Variants in PTPRN2 observed in about 807,000 individuals in gnomAD.
PTPRN2 encodes protein tyrosine phosphatase receptor type N2.
Under a neutral mutation model 118.8 loss-of-function variants are expected in PTPRN2, and 74 were observed. That is an observed-to-expected ratio of 0.62 (90% CI 0.52 to 0.76). The LOEUF is 0.76. Ranked by LOEUF, PTPRN2 falls within the 30% of genes least tolerant of loss-of-function variation. PTPRN2 has a pLI of 0.00. For synonymous variants in PTPRN2, 641 were observed against 608.0 expected (o/e 1.05, Z -0.80); for missense variants, 1,481 against 1,394.4 (o/e 1.06, Z -0.99).
chr7:158,436,573 C>T (rs952596805), intron 2 of PTPRN2, among the ~76,000 whole-genome samples: 1 of 149,906 alleles, frequency 6.7e-6, no homozygotes, highest in Admixed American at 6.7e-5. Flanking sequence ...TGGAGTCTCT[C>T]GAGTTCTGTC....
At chr7:157,720,343 T>G (rs1226389458) in intron 12 of PTPRN2, among the ~76,000 whole-genome samples, 1 of 152,226 alleles carries the variant, frequency 6.6e-6, no homozygotes, top group Non-Finnish European at 1.5e-5. Context: ...CATTCCAATG[T>G]CCGACCTCTG....
At chr7:157,967,205 C>T (rs1217842696) in intron 11 of PTPRN2, among the ~76,000 whole-genome samples, 1 of 152,180 alleles carries the variant, frequency 6.6e-6, no homozygotes, top group South Asian at 2.1e-4. Flanking sequence ...CACTTACAGT[C>T]CCAGCTACTT....
At chr7:158,346,926 T>C (rs1244218100) in intron 2 of PTPRN2, among the ~76,000 whole-genome samples, 1 of 152,228 alleles carries the variant, frequency 6.6e-6, no homozygotes, top group Non-Finnish European at 1.5e-5. Context: ...ACTCAGATTC[T>C]TTACCTGTCT....
rs76817419 is a variant in PTPRN2 at position 158,140,854 on chromosome 7, G to A, written c.911-2339C>T. On this transcript the variant is annotated intron_variant, in intron 6 of 22. Coordinates refer to ENST00000389418, the MANE Select transcript of PTPRN2 (RefSeq NM_002847.5). ...AGACTCTGCCCTAAAGAAGGTTCAT[G>A]GGCCCATTTCCGAGCTTTGAAGGAA... is the stretch of plus-strand genomic sequence containing the variant. Among the ~76,000 whole-genome samples the A allele has an allele frequency of 6.0e-3, 916 of 152,334 alleles. 24 individuals are homozygous for A. In the East Asian group the frequency reaches 0.094, roughly 16 times the overall value.
rs1411301628 is a variant in PTPRN2, at chr7:157,903,684, C to T, written c.1724-4947G>A. Among the ~76,000 whole-genome samples the T allele has an allele frequency of 6.7e-6, 1 of 149,392 alleles. No homozygotes were observed. Among genetic ancestry groups the T allele is most frequent in the Non-Finnish European group, 1.5e-5 (1 of 67,624 alleles). ...TATACTAAAAGGTTTTAAGAGAGTA[C>T]AAGGGACAGTTTCATTCTCGAGCTA... On this transcript the variant is annotated intron_variant, in intron 11 of 22. Transcript: ENST00000389418. This position sits in a 1 kb window ranked among gnomAD's most constrained non-coding sequence, Gnocchi z 4.2.
At chr7:158,192,003 G>A (rs545225838) in intron 5 of PTPRN2, among the ~76,000 whole-genome samples, 2 of 152,300 alleles carry the variant, frequency 1.3e-5, no homozygotes, top group South Asian at 2.1e-4. Flanking sequence ...CTCAAAGGGT[G>A]AAGAGCAGCC....
At chr7:157,825,913 G>C (rs1406255384) in intron 12 of PTPRN2, among the ~76,000 whole-genome samples, 1 of 152,214 alleles carries the variant, frequency 6.6e-6, no homozygotes, top group Non-Finnish European at 1.5e-5. Flanking sequence ...GTGGCTTAGG[G>C]GTGCTTGAAA....
intron 12 of PTPRN2, among the ~76,000 whole-genome samples, chr7:157,789,923 G>A (rs1483485852): frequency 6.7e-6 from 1 of 150,250 alleles, no homozygotes; most frequent in African/African-American, 2.4e-5. Flanking sequence ...TGTGTGGTAT[G>A]TTGTGTGTGT....
intron 11 of PTPRN2, among the ~76,000 whole-genome samples, chr7:158,002,212 C>T (rs938152574): frequency 2.0e-5 from 3 of 152,168 alleles, no homozygotes; most frequent in African/African-American, 4.8e-5. Context: ...ACGGCGTGGT[C>T]ATCAGGCGAG....
chr7:158,492,884 A>G (rs1821565867), intron 1 of PTPRN2, among the ~76,000 whole-genome samples: 1 of 152,204 alleles, frequency 6.6e-6, no homozygotes, highest in Admixed American at 6.5e-5. Flanking sequence ...ATGTGGCGGC[A>G]AGTGGCATCC....
intron 11 of PTPRN2, among the ~76,000 whole-genome samples, chr7:158,071,357 G>T (rs1585335853): frequency 8.1e-6 from 1 of 123,600 alleles, no homozygotes. Flanking sequence ...TCGTGGTGGT[G>T]GAGGTGCTCA....
chr7:158,433,290 C>A (rs1052502948), intron 2 of PTPRN2, among the ~76,000 whole-genome samples: 5 of 152,158 alleles, frequency 3.3e-5, no homozygotes, highest in Non-Finnish European at 5.9e-5. Context: ...GGATGCATTT[C>A]TATTGGGTAT....
chr7:158,272,907 GC>G (rs958889025), intron 3 of PTPRN2, among the ~76,000 whole-genome samples: 1 of 152,158 alleles, frequency 6.6e-6, no homozygotes, highest in African/African-American at 2.4e-5. Flanking sequence ...TGGCTGTGTT[GC>G]CCCCCAGCCC....
At chr7:157,872,175 T>C (rs1296937625) in intron 12 of PTPRN2, among the ~76,000 whole-genome samples, 1 of 94,890 alleles carries the variant, frequency 1.1e-5, no homozygotes, top group Admixed American at 1.3e-4. Context: ...CACACACACA[T>C]ACCCAGCGCC....
rs10277493 is a variant in PTPRN2 at position 157,726,123 on chromosome 7, T to C, written c.1789-43186A>G. Among the ~76,000 whole-genome samples the C allele has an allele frequency of 1.3e-3, 60 of 46,416 alleles. 3 individuals carry two copies. Among genetic ancestry groups the C allele is most frequent in the South Asian group, 2.1e-3 (3 of 1,408 alleles). 30.5% of individuals were successfully genotyped at this position (46,416 alleles called of 152,430 possible). A position where few individuals can be genotyped will look rare whatever the true frequency, so the allele number is the denominator to read the frequency against. ...CTCCCAGGAAAACTGGATATCCACA[T>C]GCAGAGGAATGAGCCAGACTCTCGC... is the stretch of plus-strand genomic sequence containing the variant. On this transcript the variant is annotated intron_variant, in intron 12 of 22. Coordinates refer to ENST00000389418, the MANE Select transcript of PTPRN2 (RefSeq NM_002847.5).
chr7:157,757,494 G>T (rs1403364052), intron 12 of PTPRN2, among the ~76,000 whole-genome samples: 1 of 152,086 alleles, frequency 6.6e-6, no homozygotes, highest in East Asian at 1.9e-4. Flanking sequence ...GGGGCAACTG[G>T]GCAGGACCCC....
At chr7:158,333,519 A>G (rs1419860625) in intron 2 of PTPRN2, among the ~76,000 whole-genome samples, 2 of 149,152 alleles carry the variant, frequency 1.3e-5, no homozygotes, top group African/African-American at 5.2e-5. Flanking sequence ...CACTCTCACC[A>G]TAAGACCTGA....
intron 3 of PTPRN2, among the ~76,000 whole-genome samples, chr7:158,264,876 G>C (rs1421391459): frequency 2.6e-5 from 4 of 152,154 alleles, no homozygotes; most frequent in Non-Finnish European, 5.9e-5. Context: ...TGCCCGGGAG[G>C]AGCTGTCCCA....
intron 12 of PTPRN2, among the ~76,000 whole-genome samples, chr7:157,700,291 A>C (rs1372713104): frequency 6.6e-6 from 1 of 152,214 alleles, no homozygotes; most frequent in African/African-American, 2.4e-5. Context: ...AGGCCATTTC[A>C]AAAGAGTAGT....
Sources: gnomAD v4.1 joint callset for allele counts (sites outside exome capture counted in the v4.1 genomes callset) on GRCh38, gnomAD v4.1.1 for gene constraint, Gnocchi (gnomAD v3.1) non-coding constraint, MANE v1.5 for transcripts, NCBI Gene and HGNC (gene_info 2026-07-23, HGNC 2026-07-21) for gene names.